The following ATP6V1C2 variants were observed in gnomAD, a reference collection of about 807,000 sequenced individuals.
ATP6V1C2 encodes ATPase H+ transporting V1 subunit C2.
ATP6V1C2 carries 45 observed loss-of-function variants against 56.8 expected under a neutral mutation model. That is an observed-to-expected ratio of 0.79 (90% CI 0.62 to 1.02). The LOEUF is 1.02. ATP6V1C2 is among the 50% of genes least tolerant of loss of function. The probability of loss-of-function intolerance (pLI) is 0.00; values close to 1 mark genes in which losing one functional copy is unlikely to be tolerated. For synonymous variants in ATP6V1C2, 220 were observed against 201.3 expected (o/e 1.09, Z -0.79); for missense variants, 463 against 519.7 (o/e 0.89, Z 1.06).
rs189386815 is a variant in ATP6V1C2, at chr2:10,780,356, G to A, written c.1061+1687G>A. On this transcript the variant is annotated intron_variant, in intron 12 of 13. Coordinates refer to ENST00000272238, the MANE Select transcript of ATP6V1C2 (RefSeq NM_001039362.2). The surrounding 1 kb of genome is among the most constrained non-coding windows in gnomAD (Gnocchi z 4.1). ...GTCTGGCCCCACCGGCCTGGCTGTT[G>A]CCATAAGCCTCCTCTCTGTTCTTGG... Among the ~76,000 whole-genome samples the A allele has an allele frequency of 6.6e-5, 10 of 152,196 alleles. No individual in the cohort carries two copies. The highest frequency in any genetic ancestry group is 5.2e-4 in the Admixed American group (8 of 15,276).
At chr2:10,722,442 C>T (rs1285699222) in intron 1 of ATP6V1C2, among the ~76,000 whole-genome samples, 1 of 152,194 alleles carries the variant, frequency 6.6e-6, no homozygotes, top group East Asian at 1.9e-4. Flanking sequence ...CTTCCTCCAC[C>T]CCATCCTGCA....
In ATP6V1C2 at chr2:10,762,574, T is replaced by C. The variant is rs564058990; in HGVS notation, c.284-1757T>C. Among the ~76,000 whole-genome samples the C allele has an allele frequency of 3.4e-4, 52 of 152,322 alleles. 1 individual carries two copies. Among genetic ancestry groups the C allele is most frequent in the Admixed American group, 3.0e-3 (46 of 15,306 alleles). On this transcript the variant is annotated intron_variant, in intron 4 of 13. Coordinates refer to ENST00000272238, the MANE Select transcript of ATP6V1C2 (RefSeq NM_001039362.2). ...CAGGCCTTTCCTTCGTCTCACGTGC[T>C]GGCATTTCTTCCCCAGCCCGATTTC...
At chr2:10,776,291 G>A (rs113691353) in intron 10 of ATP6V1C2, among the ~76,000 whole-genome samples, 3,691 of 139,216 alleles carry the variant, frequency 0.027, 139 homozygotes, top group African/African-American at 0.084. Flanking sequence ...GCGCGCGCAC[G>A]TGCATGTATG....
rs748192975 is a variant in ATP6V1C2, at chr2:10,784,927, C to T, written c.*1664C>T. The T allele has an allele frequency of 5.7e-6, 9 of 1,565,832 alleles. No individual in the cohort carries two copies. The highest frequency in any genetic ancestry group is 7.8e-6 in the Non-Finnish European group (9 of 1,150,430). ...CTGCCCGCACAGCTTCCCTCCCGGGCACTCACCTCGCCATCCCTGCCGTCC... is the reference window on the plus strand; with the variant it reads ...CTGCCCGCACAGCTTCCCTCCCGGGTACTCACCTCGCCATCCCTGCCGTCC... On this transcript the variant is annotated 3_prime_UTR_variant, in exon 14 of 14. Coordinates refer to ENST00000272238, the MANE Select transcript of ATP6V1C2 (RefSeq NM_001039362.2).
At chr2:10,728,093 T>C (rs964199156) in intron 3 of ATP6V1C2, among the ~76,000 whole-genome samples, 1 of 151,586 alleles carries the variant, frequency 6.6e-6, no homozygotes, top group Middle Eastern at 3.2e-3. Context: ...CTTATTTGTG[T>C]TTTTTGCAGA....
At chr2:10,749,729 T>G (rs1292606096) in intron 3 of ATP6V1C2, among the ~76,000 whole-genome samples, 2 of 152,248 alleles carry the variant, frequency 1.3e-5, no homozygotes, top group Non-Finnish European at 2.9e-5. Flanking sequence ...CTTTTCTTTT[T>G]AAAAATGTAT....
At chr2:10,778,713 G>T in intron 12 of ATP6V1C2, 44 bp downstream of exon 12, 1 of 1,596,752 alleles carries the variant, frequency 6.3e-7, no homozygotes, top group Non-Finnish European at 8.6e-7. Flanking sequence ...CTGAGGATGG[G>T]CAGGGTCTGG....
chr2:10,768,914 T>C (rs1017849160), intron 6 of ATP6V1C2, 104 bp downstream of exon 6: 13 of 890,494 alleles, frequency 1.5e-5, no homozygotes, highest in African/African-American at 6.6e-5. Flanking sequence ...TGCCCATGCA[T>C]GAGAGTGAGA....
chr2:10,769,958 C>G (rs2148493531), intron 6 of ATP6V1C2: 1 of 152,344 alleles, frequency 6.6e-6, no homozygotes, highest in African/African-American at 2.4e-5. Context: ...GCTGCCCTCC[C>G]CCTGATTGGC....
At chr2:10,770,818 C>T (rs915616686) in intron 6 of ATP6V1C2, among the ~76,000 whole-genome samples, 2 of 152,210 alleles carry the variant, frequency 1.3e-5, no homozygotes, top group Non-Finnish European at 2.9e-5. Context: ...GTACACAAAC[C>T]AAGTATGCAC....
rs1661438635 is a variant in ATP6V1C2, at chr2:10,722,819, G to A, written c.-26-5G>A. ...TTTGTGTATGTTTGTCCTGGTTCTG[G>A]GCAGTCACTGGGTAAGAGAAGACTG... On this transcript the variant is annotated splice_region_variant and splice_polypyrimidine_tract_variant and intron_variant, in intron 1 of 13. Transcript: ENST00000272238. 1.2e-6 allele frequency: 2 copies of A among 1,612,664 alleles called. No individual in the cohort carries two copies. Among genetic ancestry groups the A allele is most frequent in the South Asian group, 2.2e-5 (2 of 90,844 alleles).
intron 10 of ATP6V1C2, among the ~76,000 whole-genome samples, chr2:10,775,990 C>A (rs1470003508): frequency 6.6e-6 from 1 of 152,100 alleles, no homozygotes; most frequent in African/African-American, 2.4e-5. Flanking sequence ...TGGCCGCGGG[C>A]AGGCTGGGAG....
intron 3 of ATP6V1C2, among the ~76,000 whole-genome samples, chr2:10,731,791 T>A (rs978312593): frequency 5.3e-5 from 8 of 151,876 alleles, no homozygotes; most frequent in Non-Finnish European, 1.0e-4. Context: ...CTGGGTGACA[T>A]GGTGAAACCC....
chr2:10,732,530 G>A (rs910534818), intron 3 of ATP6V1C2, among the ~76,000 whole-genome samples: 2 of 152,016 alleles, frequency 1.3e-5, no homozygotes, highest in Non-Finnish European at 2.9e-5. Context: ...AAAGTGTTGG[G>A]GTTACGGGCG....
At chr2:10,782,754 C>T (rs1174923634) in intron 13 of ATP6V1C2, among the ~76,000 whole-genome samples, 1 of 141,354 alleles carries the variant, frequency 7.1e-6, no homozygotes, top group African/African-American at 2.7e-5. Flanking sequence ...TCGCTTGAAC[C>T]TGGGAGGCGG....
At chr2:10,749,268 G>A (rs1177404703) in intron 3 of ATP6V1C2, among the ~76,000 whole-genome samples, 3 of 152,052 alleles carry the variant, frequency 2.0e-5, no homozygotes, top group Non-Finnish European at 4.4e-5. Context: ...GCCGAGGCAG[G>A]AGGATCACTT....
In ATP6V1C2 at chr2:10,784,996, CAGGTGCCGTGGAG is replaced by C; in HGVS notation, c.*1734_*1746del. Reference sequence around the variant, plus strand: ...ATGGTAGGGAAAGCCCCGCCTCCTACAGGTGCCGTGGAGCCACGCCCAAAAGAGAGCTCCCTTA... The same window carrying C: ...ATGGTAGGGAAAGCCCCGCCTCCTACCCACGCCCAAAAGAGAGCTCCCTTA... On this transcript the variant is annotated 3_prime_UTR_variant, in exon 14 of 14. Transcript: ENST00000272238. 2 of 1,586,758 alleles carry C rather than the reference CAGGTGCCGTGGAG, an allele frequency of 1.3e-6. No individual in the cohort carries two copies. Among genetic ancestry groups the C allele is most frequent in the Non-Finnish European group, 1.7e-6 (2 of 1,165,048 alleles).
intron 3 of ATP6V1C2, among the ~76,000 whole-genome samples, chr2:10,738,024 C>G (rs1241386158): frequency 6.6e-6 from 1 of 152,084 alleles, no homozygotes. Flanking sequence ...GAAGGCTGCC[C>G]CTTTGTTCCT....
intron 3 of ATP6V1C2, among the ~76,000 whole-genome samples, chr2:10,728,556 C>G (rs916457530): frequency 6.6e-6 from 1 of 151,986 alleles, no homozygotes; most frequent in African/African-American, 2.4e-5. Flanking sequence ...TGGTGGATTG[C>G]TTGACTCCAG....
Sources: allele counts gnomAD v4.1 joint callset (sites outside exome capture counted in the v4.1 genomes callset), GRCh38; gene constraint gnomAD v4.1.1; non-coding constraint Gnocchi (gnomAD v3.1); transcripts MANE v1.5; gene names NCBI Gene and HGNC (gene_info 2026-07-23, HGNC 2026-07-21).